Variants in NRG1 observed in about 807,000 individuals in gnomAD.
NRG1 encodes neuregulin 1, also known as pro-neuregulin-1, membrane-bound isoform.
Under a neutral mutation model 63.8 loss-of-function variants are expected in NRG1, and 18 were observed. That is an observed-to-expected ratio of 0.28 (90% CI 0.19 to 0.42). NRG1 has a LOEUF of 0.42. Among genes scored for constraint, NRG1 ranks in the 10% least tolerant of loss-of-function variants. The pLI is 1.00. For missense variants in NRG1, 762 were observed against 814.7 expected (o/e 0.94, Z 0.79); for synonymous variants, 302 against 301.3 (o/e 1.00, Z -0.02).
chr8:32,012,124 C>A (rs1814854270), intron 1 of NRG1, among the ~76,000 whole-genome samples: 1 of 152,062 alleles, frequency 6.6e-6, no homozygotes, highest in Non-Finnish European at 1.5e-5. Flanking sequence ...CAAGAGCTTT[C>A]TATTGGAAGC....
intron 1 of NRG1, among the ~76,000 whole-genome samples, chr8:32,405,050 T>C (rs915849461): frequency 3.3e-5 from 5 of 152,152 alleles, no homozygotes; most frequent in African/African-American, 1.2e-4. Context: ...ATGGAGAAAT[T>C]GCAGTGATTA....
At chr8:32,728,355 T>G in intron 6 of NRG1, 1 of 984,980 alleles carries the variant, frequency 1.0e-6, no homozygotes, top group Non-Finnish European at 1.2e-6. Context: ...TTCCTTGTGG[T>G]TTTTCTTGTT....
chr8:32,216,478 A>G (rs554907875), intron 1 of NRG1, among the ~76,000 whole-genome samples: 52 of 149,086 alleles, frequency 3.5e-4, no homozygotes, highest in African/African-American at 1.2e-3. Context: ...TCATGATATT[A>G]TATATAAATT....
intron 1 of NRG1, among the ~76,000 whole-genome samples, chr8:32,156,582 G>A (rs1838095558): frequency 6.6e-6 from 1 of 152,232 alleles, no homozygotes; most frequent in South Asian, 2.1e-4. Flanking sequence ...GAATAGAAGT[G>A]CCTGAGTTCA....
chr8:31,827,523 C>A (rs1329281748), intron 1 of NRG1, among the ~76,000 whole-genome samples: 1 of 152,084 alleles, frequency 6.6e-6, no homozygotes, highest in African/African-American at 2.4e-5. Flanking sequence ...ATAAACACAA[C>A]AGCATGGTTA....
chr8:31,992,530 T>G (rs567150927), intron 1 of NRG1, among the ~76,000 whole-genome samples: 1 of 152,090 alleles, frequency 6.6e-6, no homozygotes, highest in South Asian at 2.1e-4. Context: ...CAACTAGAGT[T>G]GAAAGGATGG....
At chr8:32,024,810 G>A (rs564979472) in intron 1 of NRG1, among the ~76,000 whole-genome samples, 4 of 152,312 alleles carry the variant, frequency 2.6e-5, no homozygotes, top group East Asian at 3.9e-4. Context: ...GAACCTGTGA[G>A]TGAAAATGAT....
At chr8:31,803,777 TGA>T (rs1319224579) in intron 1 of NRG1, among the ~76,000 whole-genome samples, 2 of 152,236 alleles carry the variant, frequency 1.3e-5, no homozygotes, top group African/African-American at 2.4e-5. Context: ...AGGGTCTACT[TGA>T]TCAGTGTATC....
intron 1 of NRG1, among the ~76,000 whole-genome samples, chr8:32,578,988 T>C (rs1037635960): frequency 4.6e-5 from 7 of 152,142 alleles, no homozygotes; most frequent in Non-Finnish European, 7.4e-5. Flanking sequence ...AATTTTTAGG[T>C]TTATTAAAAT....
At chr8:32,050,811 G>T (rs1821859391) in intron 1 of NRG1, among the ~76,000 whole-genome samples, 1 of 152,196 alleles carries the variant, frequency 6.6e-6, no homozygotes, top group Non-Finnish European at 1.5e-5. Flanking sequence ...GAGCAGTGAA[G>T]ATGAAAGTTT....
At chr8:32,738,043 G>A (rs944198923) in intron 6 of NRG1, among the ~76,000 whole-genome samples, 14 of 151,938 alleles carry the variant, frequency 9.2e-5, no homozygotes, top group African/African-American at 2.2e-4. Context: ...TCATTTTCAC[G>A]GACATTTTGT....
At chr8:32,139,579 C>T (rs1431348417) in intron 1 of NRG1, 1 of 152,096 alleles carries the variant, frequency 6.6e-6, no homozygotes, top group Non-Finnish European at 1.5e-5. Context: ...AATGTAGAGG[C>T]CACTTATAGC....
chr8:32,598,903 T>C (rs1053870270), intron 2 of NRG1, among the ~76,000 whole-genome samples: 7 of 152,240 alleles, frequency 4.6e-5, no homozygotes, highest in Middle Eastern at 3.4e-3. Flanking sequence ...CCAGTAAATA[T>C]AAGTAGAAGG....
intron 1 of NRG1, among the ~76,000 whole-genome samples, chr8:31,922,769 C>T (rs1834020389): frequency 6.6e-6 from 1 of 152,068 alleles, no homozygotes; most frequent in South Asian, 2.1e-4. Context: ...AGCTCAACAT[C>T]CATCAAAGAG....
chr8:32,019,886 C>T (rs1046161096), intron 1 of NRG1, among the ~76,000 whole-genome samples: 54 of 152,286 alleles, frequency 3.5e-4, no homozygotes, highest in African/African-American at 1.0e-3. Context: ...TTATTATGCT[C>T]GTTTGGTCTA....
intron 5 of NRG1, among the ~76,000 whole-genome samples, chr8:32,627,264 C>A (rs1051754112): frequency 6.6e-6 from 1 of 152,004 alleles, no homozygotes; most frequent in Non-Finnish European, 1.5e-5. Flanking sequence ...TTAATTTACA[C>A]TAAATAGCAT....
chr8:32,339,145 T>G (rs560912979), intron 1 of NRG1, among the ~76,000 whole-genome samples: 1 of 152,302 alleles, frequency 6.6e-6, no homozygotes, highest in African/African-American at 2.4e-5. Flanking sequence ...ATTATTTCCA[T>G]GTACTACAGT....
intron 1 of NRG1, among the ~76,000 whole-genome samples, chr8:32,278,732 C>T (rs1248043698): frequency 1.3e-5 from 2 of 152,322 alleles, no homozygotes; most frequent in Middle Eastern, 3.4e-3. Flanking sequence ...TGATACTCAT[C>T]ACTCTGGGTA....
chr8:31,957,884 G>T (rs1189769152), intron 1 of NRG1, among the ~76,000 whole-genome samples: 1 of 152,142 alleles, frequency 6.6e-6, no homozygotes, highest in Non-Finnish European at 1.5e-5. Flanking sequence ...GAACATGAAG[G>T]GATGCAGAGA....
Sources: allele counts gnomAD v4.1 joint callset (sites outside exome capture counted in the v4.1 genomes callset), GRCh38; gene constraint gnomAD v4.1.1; transcripts MANE v1.5; gene names NCBI Gene and HGNC (gene_info 2026-07-23, HGNC 2026-07-21).